Variants in PSMB7 observed in about 807,000 individuals in gnomAD.
The protein encoded by PSMB7 is proteasome 20S subunit beta 7.
A neutral mutation model predicts 28.1 loss-of-function variants in PSMB7; 5 were observed. The observed-to-expected ratio is 0.18, with a 90% CI of 0.09 to 0.37. PSMB7 has a LOEUF of 0.37. PSMB7 is among the 10% of genes least tolerant of loss of function. PSMB7 has a pLI of 1.00. For synonymous variants in PSMB7, 122 were observed against 123.7 expected (o/e 0.99, Z 0.09); for missense variants, 275 against 346.2 (o/e 0.79, Z 1.63).
intron 6 of PSMB7, among the ~76,000 whole-genome samples, chr9:124,371,192 AAAT>A (rs1830558821): frequency 6.6e-6 from 1 of 152,358 alleles, no homozygotes; most frequent in East Asian, 1.9e-4. Flanking sequence ...TTTTTTACTA[AAAT>A]AATGTCTTCA....
intron 6 of PSMB7, among the ~76,000 whole-genome samples, chr9:124,366,125 C>T (rs568501732): frequency 1.3e-5 from 2 of 151,956 alleles, no homozygotes; most frequent in South Asian, 2.1e-4. Context: ...TAGAGAAAAG[C>T]TTATAGGCCA....
intron 7 of PSMB7, among the ~76,000 whole-genome samples, chr9:124,354,599 G>T (rs1830379065): frequency 6.6e-6 from 1 of 152,204 alleles, no homozygotes; most frequent in South Asian, 2.1e-4. Context: ...AACTTCCACA[G>T]TTCTGCATCC....
chr9:124,387,716 T>C (rs1347707547), intron 5 of PSMB7, among the ~76,000 whole-genome samples: 1 of 152,038 alleles, frequency 6.6e-6, no homozygotes, highest in African/African-American at 2.4e-5. Context: ...TACACAGAAG[T>C]GTTTGGAGAT....
In PSMB7 at chr9:124,414,826, G is replaced by A. The variant is rs147386874; in HGVS notation, c.156+16C>T. ...GCCGGTTCAGTCACTGCTGCTCTTA[G>A]CCTAACCCGGCTTACCTTATAGACC... is the stretch of plus-strand genomic sequence containing the variant. On this transcript the variant is annotated intron_variant, in intron 2 of 7. Coordinates refer to ENST00000259457, the MANE Select transcript of PSMB7 (RefSeq NM_002799.4). 12,969 of 1,608,554 alleles carry A rather than the reference G, an allele frequency of 8.1e-3. 72 individuals carry two copies. Among genetic ancestry groups the A allele is most frequent in the Non-Finnish European group, 9.5e-3 (11,143 of 1,175,210 alleles).
At chr9:124,390,136 T>C (rs1163853618) in intron 5 of PSMB7, among the ~76,000 whole-genome samples, 1 of 152,130 alleles carries the variant, frequency 6.6e-6, no homozygotes, top group Admixed American at 6.5e-5. Flanking sequence ...ATCAAAGAAA[T>C]ATGAATTGAA....
intron 6 of PSMB7, among the ~76,000 whole-genome samples, chr9:124,360,521 T>C (rs1830455589): frequency 6.6e-6 from 1 of 152,264 alleles, no homozygotes; most frequent in Non-Finnish European, 1.5e-5. Flanking sequence ...GCCAGCTGCC[T>C]ATGCATTTAT....
At chr9:124,359,727 G>A (rs1404576221) in intron 6 of PSMB7, among the ~76,000 whole-genome samples, 3 of 152,156 alleles carry the variant, frequency 2.0e-5, no homozygotes, top group Non-Finnish European at 2.9e-5. Context: ...GGTGTTTGCC[G>A]GTTTCTCTCT....
At chr9:124,390,123 G>C (rs1830769660) in intron 5 of PSMB7, among the ~76,000 whole-genome samples, 1 of 152,214 alleles carries the variant, frequency 6.6e-6, no homozygotes. Flanking sequence ...AAGTTCACTA[G>C]CAATCAAAGA....
At chr9:124,374,222 C>A (rs1830587890) in intron 6 of PSMB7, among the ~76,000 whole-genome samples, 1 of 152,080 alleles carries the variant, frequency 6.6e-6, no homozygotes, top group Admixed American at 6.5e-5. Flanking sequence ...TTGCCCAGGG[C>A]TGGGAAGGTT....
At chr9:124,378,794 AT>A (rs1325997962) in intron 6 of PSMB7, among the ~76,000 whole-genome samples, 1 of 152,174 alleles carries the variant, frequency 6.6e-6, no homozygotes, top group Non-Finnish European at 1.5e-5. Flanking sequence ...CATTTTAGCA[AT>A]TTTAGCAATT....
chr9:124,376,719 C>G (rs1012652822), intron 6 of PSMB7, among the ~76,000 whole-genome samples: 1 of 152,216 alleles, frequency 6.6e-6, no homozygotes, highest in African/African-American at 2.4e-5. Context: ...TCTTTCCCTC[C>G]CTGTTGTGAA....
In PSMB7 at chr9:124,356,672, G is replaced by A; in HGVS notation, c.722+92C>T. 7.1e-7 allele frequency: 1 copy of A among 1,410,144 alleles called. No individual in the cohort carries two copies. Among genetic ancestry groups the A allele is most frequent in the Non-Finnish European group, 9.7e-7 (1 of 1,031,480 alleles). The allele number at this position is 1,410,144 out of a possible 1,614,324, so 87.4% of individuals were successfully genotyped here. ...ACACTGGATGTACTTAATGTGGAAA[G>A]AACCAGGAAAACTCCATCCAGATGC... On this transcript the variant is annotated intron_variant, in intron 7 of 7. Coordinates refer to ENST00000259457, the MANE Select transcript of PSMB7 (RefSeq NM_002799.4). The surrounding 1 kb of genome is among the most constrained non-coding windows in gnomAD (Gnocchi z 4.4).
At chr9:124,378,102 G>A (rs1224808533) in intron 6 of PSMB7, among the ~76,000 whole-genome samples, 1 of 152,210 alleles carries the variant, frequency 6.6e-6, no homozygotes, top group Non-Finnish European at 1.5e-5. Flanking sequence ...CACAGCAGCT[G>A]CCACTGCAGA....
chr9:124,399,483 T>C (rs893373848), intron 5 of PSMB7, among the ~76,000 whole-genome samples: 1 of 152,064 alleles, frequency 6.6e-6, no homozygotes, highest in Admixed American at 6.5e-5. Flanking sequence ...GCAGAAAATG[T>C]GTTTCTGAAA....
At chr9:124,410,646 G>A (rs552810757) in intron 4 of PSMB7, among the ~76,000 whole-genome samples, 2 of 152,176 alleles carry the variant, frequency 1.3e-5, no homozygotes, top group African/African-American at 2.4e-5. Flanking sequence ...ATAATGATAC[G>A]TACACAAACA....
chr9:124,407,870 A>G (rs1391363234), intron 4 of PSMB7, among the ~76,000 whole-genome samples: 1 of 152,150 alleles, frequency 6.6e-6, no homozygotes, highest in African/African-American at 2.4e-5. Flanking sequence ...TGCTAAGCCG[A>G]GTGTGGTGGC....
At chr9:124,384,465 T>C (rs1476787091) in intron 6 of PSMB7, 133 bp downstream of exon 6, 4 of 822,284 alleles carry the variant, frequency 4.9e-6, no homozygotes, top group Non-Finnish European at 7.4e-6. Context: ...AAACAGACCA[T>C]CTGTGCCAAA....
chr9:124,384,462 C>A, intron 6 of PSMB7, 136 bp downstream of exon 6: 1 of 800,888 alleles, frequency 1.2e-6, no homozygotes, highest in Non-Finnish European at 1.9e-6. Flanking sequence ...GGCAAACAGA[C>A]CATCTGTGCC....
intron 6 of PSMB7, among the ~76,000 whole-genome samples, chr9:124,363,419 A>G (rs1830480572): frequency 6.6e-6 from 1 of 152,268 alleles, no homozygotes; most frequent in Admixed American, 6.5e-5. Flanking sequence ...CGAAAGCAGC[A>G]TGCTCCCTGC....
Sources: gnomAD v4.1 joint callset for allele counts (sites outside exome capture counted in the v4.1 genomes callset) on GRCh38, gnomAD v4.1.1 for gene constraint, Gnocchi (gnomAD v3.1) non-coding constraint, MANE v1.5 for transcripts, NCBI Gene and HGNC (gene_info 2026-07-23, HGNC 2026-07-21) for gene names.